Variants in SLIT3 observed in about 807,000 individuals in gnomAD.
SLIT3 encodes slit guidance ligand 3, also known as slit homolog 3 protein.
In SLIT3, 68 loss-of-function variants were observed where a neutral mutation model predicts 184.0. The ratio of observed to expected loss-of-function variants is 0.37; its 90% CI spans 0.30 to 0.45. The LOEUF (loss-of-function observed/expected upper bound fraction) is 0.45. SLIT3 is among the 20% of genes least tolerant of loss of function. The probability of loss-of-function intolerance (pLI) is 1.00; values close to 1 mark genes in which losing one functional copy is unlikely to be tolerated. For missense variants in SLIT3, 1,707 were observed against 2,026.0 expected (o/e 0.84, Z 3.02); for synonymous variants, 831 against 828.6 (o/e 1.00, Z -0.05).
chr5:169,234,503 T>A (rs2113559109), intron 3 of SLIT3, among the ~76,000 whole-genome samples: 1 of 152,292 alleles, frequency 6.6e-6, no homozygotes, highest in African/African-American at 2.4e-5. Context: ...ACCTCCTGGG[T>A]TCAAGTGATT....
chr5:169,166,595 C>G (rs946603281), intron 4 of SLIT3, among the ~76,000 whole-genome samples: 1 of 152,090 alleles, frequency 6.6e-6, no homozygotes, highest in South Asian at 2.1e-4. Context: ...GGTGGGAGCT[C>G]GACAGGTGCT....
chr5:169,265,969 A>G (rs1305978194), intron 1 of SLIT3, among the ~76,000 whole-genome samples: 1 of 152,242 alleles, frequency 6.6e-6, no homozygotes, highest in Non-Finnish European at 1.5e-5. Flanking sequence ...CACACAGAGG[A>G]CAACCCAGCC....
At chr5:168,828,477 G>T (rs1204609281) in intron 6 of SLIT3, among the ~76,000 whole-genome samples, 2 of 151,614 alleles carry the variant, frequency 1.3e-5, no homozygotes, top group East Asian at 3.9e-4. Context: ...CCAAAAAAAT[G>T]AAAAATAAAA....
chr5:169,223,648 G>C (rs1209803955), intron 3 of SLIT3, among the ~76,000 whole-genome samples: 1 of 152,174 alleles, frequency 6.6e-6, no homozygotes, highest in African/African-American at 2.4e-5. Context: ...CATATACATA[G>C]CCTGTCTTTT....
At chr5:169,171,254 C>T (rs188025763) in intron 4 of SLIT3, among the ~76,000 whole-genome samples, 4 of 152,310 alleles carry the variant, frequency 2.6e-5, no homozygotes, top group South Asian at 2.1e-4. Context: ...GATTATTTCA[C>T]GTGATGTTTG....
chr5:169,239,617 A>C (rs529617346), intron 3 of SLIT3, among the ~76,000 whole-genome samples: 2 of 152,208 alleles, frequency 1.3e-5, no homozygotes, highest in African/African-American at 4.8e-5. Context: ...TATAATATCC[A>C]TACTAATATC....
At chr5:169,184,942 C>T (rs1162036194) in intron 4 of SLIT3, among the ~76,000 whole-genome samples, 1 of 152,186 alleles carries the variant, frequency 6.6e-6, no homozygotes, top group African/African-American at 2.4e-5. Context: ...TTCTGTAATG[C>T]AAGAATCTAC....
intron 4 of SLIT3, among the ~76,000 whole-genome samples, chr5:168,942,793 G>C (rs10516054): frequency 0.3 from 46,068 of 151,818 alleles, 7,020 homozygotes; most frequent in East Asian, 0.36. Context: ...CCTAGGATCA[G>C]AATGATAAAT....
chr5:168,817,547 CCT>C (rs1757374835), intron 7 of SLIT3, 84 bp from the exon 8 acceptor site: 1 of 1,298,692 alleles, frequency 7.7e-7, no homozygotes, highest in Non-Finnish European at 1.1e-6. Context: ...GACCAAAACC[CCT>C]GTTGCCCCTT....
chr5:169,300,361 C>G lies in SLIT3; in HGVS notation c.197+152G>C. 9.3e-7 allele frequency: 1 copy of G among 1,077,004 alleles called. No homozygotes were observed. Among genetic ancestry groups the G allele is most frequent in the Admixed American group, 4.1e-5 (1 of 24,126 alleles). The allele number at this position is 1,077,004 out of a possible 1,614,324, so 66.7% of individuals were successfully genotyped here. A position where few individuals can be genotyped will look rare whatever the true frequency, so the allele number is the denominator to read the frequency against. On this transcript the variant is annotated intron_variant, in intron 1 of 35. Coordinates refer to ENST00000519560, the MANE Select transcript of SLIT3 (RefSeq NM_003062.4). The surrounding 1 kb of genome is among the most constrained non-coding windows in gnomAD (Gnocchi z 4.1). ...CAGATCTGACCAAGCCTACAGACCC[C>G]CAGCTCGGAGAGTGAGGGATCGTAT...
intron 4 of SLIT3, among the ~76,000 whole-genome samples, chr5:168,943,678 GTAT>G (rs1351236212): frequency 3.3e-5 from 5 of 152,178 alleles, no homozygotes; most frequent in Non-Finnish European, 7.3e-5. Flanking sequence ...CAAGTGCAAG[GTAT>G]TATATGAGTG....
chr5:168,918,297 A>T (rs987803156), intron 4 of SLIT3, among the ~76,000 whole-genome samples: 3 of 152,194 alleles, frequency 2.0e-5, no homozygotes, highest in African/African-American at 7.2e-5. Flanking sequence ...GTGTGGAGAG[A>T]CTCATAGCAG....
intron 20 of SLIT3, among the ~76,000 whole-genome samples, chr5:168,737,643 A>G (rs1763481939): frequency 6.6e-6 from 1 of 152,176 alleles, no homozygotes; most frequent in Non-Finnish European, 1.5e-5. Context: ...TTGTCCTTAG[A>G]CCAAAAATAT....
At chr5:169,283,035 T>C (rs927191704) in intron 1 of SLIT3, among the ~76,000 whole-genome samples, 1 of 152,184 alleles carries the variant, frequency 6.6e-6, no homozygotes, top group African/African-American at 2.4e-5. Flanking sequence ...TCAGGACTCA[T>C]TATCCTTATT....
chr5:169,090,702 A>G (rs1407002042), intron 4 of SLIT3, among the ~76,000 whole-genome samples: 2 of 152,246 alleles, frequency 1.3e-5, no homozygotes, highest in Non-Finnish European at 2.9e-5. Context: ...ATAGACAGAC[A>G]CACAGAAGAA....
In SLIT3 at chr5:168,987,925, C is replaced by T. The variant is rs1755191162; in HGVS notation, c.414-104589G>A. Among the ~76,000 whole-genome samples, 2 of 152,348 alleles carry T rather than the reference C, an allele frequency of 1.3e-5. 1 individual carries two copies. The highest frequency in any genetic ancestry group is 4.8e-5 in the African/African-American group (2 of 41,584). Reference sequence around the variant, plus strand: ...ATTTTCTGTGAGTGCACTACCTGTACACATGGGACCACTGTGTCACAGCTG... The same window carrying T: ...ATTTTCTGTGAGTGCACTACCTGTATACATGGGACCACTGTGTCACAGCTG... On this transcript the variant is annotated intron_variant, in intron 4 of 35. Coordinates refer to ENST00000519560, the MANE Select transcript of SLIT3 (RefSeq NM_003062.4).
intron 3 of SLIT3, among the ~76,000 whole-genome samples, chr5:169,237,634 A>G (rs1244063823): frequency 6.6e-6 from 1 of 152,076 alleles, no homozygotes; most frequent in Non-Finnish European, 1.5e-5. Flanking sequence ...CTACACACCT[A>G]TTTGCATCAC....
intron 12 of SLIT3, among the ~76,000 whole-genome samples, chr5:168,775,966 A>G (rs1479454389): frequency 2.0e-5 from 3 of 152,230 alleles, no homozygotes; most frequent in African/African-American, 7.2e-5. Flanking sequence ...CATGCCTTGT[A>G]GTCAATGTAA....
At chr5:169,016,415 C>A (rs542093218) in intron 4 of SLIT3, among the ~76,000 whole-genome samples, 2 of 152,044 alleles carry the variant, frequency 1.3e-5, no homozygotes, top group Non-Finnish European at 2.9e-5. Flanking sequence ...TGATTACTGG[C>A]GGAGTGATTT....
Sources: allele counts gnomAD v4.1 joint callset (sites outside exome capture counted in the v4.1 genomes callset), GRCh38; gene constraint gnomAD v4.1.1; non-coding constraint Gnocchi (gnomAD v3.1); transcripts MANE v1.5; gene names NCBI Gene and HGNC (gene_info 2026-07-23, HGNC 2026-07-21).